ADGRF1: variants seen among roughly 807,000 people sequenced by gnomAD.
ADGRF1 encodes G protein-coupled receptor 110.
A neutral mutation model predicts 87.2 loss-of-function variants in ADGRF1; 85 were observed. That is an observed-to-expected ratio of 0.97 (90% CI 0.82 to 1.17). The LOEUF (loss-of-function observed/expected upper bound fraction) is 1.17. Among genes scored for constraint, ADGRF1 ranks in the 50% most tolerant of loss-of-function variants. The pLI, the probability that ADGRF1 is intolerant of heterozygous loss-of-function variation, is 0.00. For synonymous variants in ADGRF1, 430 were observed against 408.8 expected (o/e 1.05, Z -0.63); for missense variants, 1,169 against 1,077.2 (o/e 1.09, Z -1.19).
At position 47,005,692 on chromosome 6, in the gene ADGRF1, G is replaced by T. The variant is rs891147469; in HGVS notation, c.2592+125C>A. 9.2e-5 allele frequency: 56 copies of T among 607,794 alleles called. 1 individual carries two copies. Among genetic ancestry groups the T allele is most frequent in the South Asian group, 9.0e-4 (41 of 45,306 alleles). The allele number at this position is 607,794 out of a possible 1,614,324, so 37.7% of individuals were successfully genotyped here. A position where few individuals can be genotyped will look rare whatever the true frequency, so the allele number is the denominator to read the frequency against. ...TGCCAGGCTCCATGTCAGATACCAG[G>T]AATATAATGGTGAAAGAAATTCAAG... On this transcript the variant is annotated intron_variant, in intron 13 of 14. Transcript: ENST00000371253.
At chr6:47,018,565 C>T in intron 7 of ADGRF1, 1 of 1,289,206 alleles carries the variant, frequency 7.8e-7, no homozygotes, top group Non-Finnish European at 1.0e-6. Flanking sequence ...AACCAGGTTC[C>T]ACAGGTGTAT....
chr6:47,029,090 G>A lies in ADGRF1; in HGVS notation c.-29C>T. ...CCCTGGACTGAACAGCAGCAGTCGG[G>A]TGCATAGTCTGTGACTAAACAAGCA... On this transcript the variant is annotated 5_prime_UTR_variant, in exon 2 of 15. Coordinates refer to ENST00000371253, the MANE Select transcript of ADGRF1 (RefSeq NM_153840.4). The A allele has an allele frequency of 2.5e-6, 4 of 1,592,644 alleles. No homozygotes were observed. The highest frequency in any genetic ancestry group is 3.4e-6 in the Non-Finnish European group (4 of 1,160,408).
intron 7 of ADGRF1, chr6:47,020,185 G>T (rs1780002992): frequency 8.5e-7 from 1 of 1,178,410 alleles, no homozygotes; most frequent in Admixed American, 4.3e-5. Flanking sequence ...ACAGTTTTGA[G>T]AATGCTTTCC....
intron 7 of ADGRF1, chr6:47,018,371 T>C: frequency 8.0e-7 from 1 of 1,255,830 alleles, no homozygotes; most frequent in Non-Finnish European, 1.0e-6. Flanking sequence ...AAATTATTAA[T>C]TACTAATTGA....
Position 47,007,277 on chromosome 6 carries a change from G to A in ADGRF1, c.2508C>T (p.Cys836=), listed in dbSNP as rs1233917494. 6.4e-7 allele frequency: 1 copy of A among 1,551,748 alleles called. No individual in the cohort carries two copies. Among genetic ancestry groups the A allele is most frequent in the Non-Finnish European group, 8.9e-7 (1 of 1,125,500 alleles). The part of the protein sequence containing the change: ...LNAFQGFFIL[C]FGILLDSKLR... ...CCTTACTGTCCAAGAGTATTCCAAA[G>A]CATAAGATAAAAAATCCCTTTAAAA... Residue 836 remains cysteine, a synonymous_variant, in exon 12 of 15, where the codon TGC becomes TGT. Coordinates refer to ENST00000371253, the MANE Select transcript of ADGRF1 (RefSeq NM_153840.4).
At chr6:47,026,122 C>T in intron 3 of ADGRF1, 119 bp from the exon 4 acceptor site, 1 of 799,980 alleles carries the variant, frequency 1.3e-6, no homozygotes, top group African/African-American at 1.7e-5. Flanking sequence ...GCTGCTTGTT[C>T]CTGAGTTCCT....
chr6:47,008,091 T>A (rs1029527676), intron 11 of ADGRF1, among the ~76,000 whole-genome samples: 2 of 152,212 alleles, frequency 1.3e-5, no homozygotes, highest in African/African-American at 4.8e-5. Flanking sequence ...GATGAGAGAA[T>A]TGAGAGACAG....
intron 12 of ADGRF1, among the ~76,000 whole-genome samples, chr6:47,006,664 A>G (rs1479261675): frequency 6.6e-6 from 1 of 152,044 alleles, no homozygotes; most frequent in African/African-American, 2.4e-5. Context: ...GTAGTCTTTT[A>G]TCCCTCACCC....
intron 9 of ADGRF1, 67 bp downstream of exon 9, chr6:47,014,614 G>A: frequency 5.7e-6 from 9 of 1,570,410 alleles, no homozygotes; most frequent in Non-Finnish European, 7.8e-6. Context: ...ACCTAGCCAT[G>A]CTCACTGGGA....
intron 7 of ADGRF1, chr6:47,017,422 G>C (rs1424294317): frequency 6.6e-6 from 1 of 152,288 alleles, no homozygotes; most frequent in East Asian, 1.9e-4. Flanking sequence ...AGTTAGGAAA[G>C]AGCTGGTGGT....
Position 47,009,616 on chromosome 6 carries a change from C to T in ADGRF1, c.1819G>A (p.Glu607Lys), listed in dbSNP as rs1779637180. Residue 607 changes from glutamate to lysine, a missense_variant, in exon 11 of 15, where the codon GAG (glutamate) becomes AAG (lysine). Physicochemically the swap from Glu to Lys is moderately conservative, Grantham distance 56 (BLOSUM62 1). Transcript: ENST00000371253. ...TTAATCTGCTTCCAAAACAAAGCCT[C>T]GATGATCAGGCATAAAATGAGACTT... ...IGSLILCLIIEALFWKQIKKS... is the reference protein window; with the variant it reads ...IGSLILCLIIKALFWKQIKKS... The T allele has an allele frequency of 5.0e-6, 8 of 1,613,892 alleles. No homozygotes were observed. Among genetic ancestry groups the T allele is most frequent in the East Asian group, 2.2e-5 (1 of 44,874 alleles).
chr6:47,002,554 T>C (rs1022186796), intron 13 of ADGRF1, among the ~76,000 whole-genome samples: 5 of 152,268 alleles, frequency 3.3e-5, no homozygotes, highest in East Asian at 1.9e-4. Flanking sequence ...CATTTGGAGA[T>C]AGGAATTTTA....
intron 1 of ADGRF1, among the ~76,000 whole-genome samples, chr6:47,037,304 T>G (rs561305126): frequency 6.6e-6 from 1 of 152,330 alleles, no homozygotes; most frequent in African/African-American, 2.4e-5. Context: ...TTTCCTAAAT[T>G]TTTTGATTAG....
intron 10 of ADGRF1, among the ~76,000 whole-genome samples, chr6:47,011,324 A>G (rs974026882): frequency 6.6e-6 from 1 of 152,232 alleles, no homozygotes; most frequent in Non-Finnish European, 1.5e-5. Flanking sequence ...TTGTGTGATT[A>G]TTTAATGTAC....
Position 47,024,124 on chromosome 6 carries a change from A to T in ADGRF1, c.371T>A (p.Leu124His), listed in dbSNP as rs138196130. 26 of 1,614,010 alleles carry T rather than the reference A, an allele frequency of 1.6e-5. No individual in the cohort carries two copies. The highest frequency in any genetic ancestry group is 2.1e-5 in the Non-Finnish European group (25 of 1,179,964). Residue 124 changes from leucine to histidine, a missense_variant, in exon 5 of 15, where the codon CTT (leucine) becomes CAT (histidine). Coordinates refer to ENST00000371253, the MANE Select transcript of ADGRF1 (RefSeq NM_153840.4). ...PSCLDPQNCY[L>H]HTAGALPSCE... ...GCTTGGGAGTGCTCCAGCCGTGTGA[A>T]GGTAGCAGTTCTGGGGATCAAGGCA...
chr6:47,013,419 C>T, intron 9 of ADGRF1: 1 of 985,362 alleles, frequency 1.0e-6, no homozygotes, highest in Non-Finnish European at 1.2e-6. Flanking sequence ...TTCCACAGTC[C>T]TCTGATGAAT....
At chr6:47,007,145 A>C in intron 12 of ADGRF1, 108 bp downstream of exon 12, 1 of 592,160 alleles carries the variant, frequency 1.7e-6, no homozygotes, top group South Asian at 3.2e-5. Flanking sequence ...TTATTACAAA[A>C]GTACCAATAG....
At chr6:47,021,937 T>C (rs1328608386) in intron 6 of ADGRF1, 21 bp downstream of exon 6, 1 of 1,293,230 alleles carries the variant, frequency 7.7e-7, no homozygotes, top group Admixed American at 1.9e-5. Flanking sequence ...ATTCCTTATA[T>C]AATAAGTAGA....
chr6:47,019,897 A>T, intron 7 of ADGRF1: 1 of 985,138 alleles, frequency 1.0e-6, no homozygotes, highest in Admixed American at 6.1e-5. Flanking sequence ...AATTTACTAA[A>T]TATTTCTTTA....
Sources: gnomAD v4.1 joint callset for allele counts (sites outside exome capture counted in the v4.1 genomes callset) on GRCh38, gnomAD v4.1.1 for gene constraint, MANE v1.5 for transcripts, NCBI Gene and HGNC (gene_info 2026-07-23, HGNC 2026-07-21) for gene names.